PTPRD: variants seen among roughly 807,000 people sequenced by gnomAD.
PTPRD encodes protein tyrosine phosphatase receptor type D, also known as receptor-type tyrosine-protein phosphatase delta.
Under a neutral mutation model 214.5 loss-of-function variants are expected in PTPRD, and 34 were observed. That is an observed-to-expected ratio of 0.16 (90% CI 0.12 to 0.21). PTPRD has a LOEUF of 0.21. Ranked by LOEUF, PTPRD falls within the 10% of genes least tolerant of loss-of-function variation. The pLI is 1.00. For missense variants in PTPRD, 2,545 were observed against 2,398.7 expected, an observed-to-expected ratio of 1.06 and a Z score of -1.27; for synonymous variants, 1,128 against 845.7, an observed-to-expected ratio of 1.33 and a Z score of -5.79.
chr9:8,794,566 A>G (rs1239603414), intron 11 of PTPRD, among the ~76,000 whole-genome samples: 1 of 149,422 alleles, frequency 6.7e-6, no homozygotes, highest in Non-Finnish European at 1.5e-5. Flanking sequence ...CTGGACTCCA[A>G]CTCTTGGGCT....
intron 10 of PTPRD, among the ~76,000 whole-genome samples, chr9:9,128,729 G>T (rs559900935): frequency 6.6e-6 from 1 of 152,154 alleles, no homozygotes; most frequent in Non-Finnish European, 1.5e-5. Flanking sequence ...GATAAAAGTG[G>T]AGTTTAGGTT....
At chr9:10,259,097 A>G (rs938480436) in intron 3 of PTPRD, among the ~76,000 whole-genome samples, 4 of 151,974 alleles carry the variant, frequency 2.6e-5, no homozygotes, top group Non-Finnish European at 5.9e-5. Flanking sequence ...ATCTCAGCTC[A>G]CTGCAAGCTC....
Position 9,658,375 on chromosome 9 carries a change from T to C in PTPRD, c.-287+76158A>G, listed in dbSNP as rs979055602. ...CTTTACCCTAAAAGGACTTCACATTTAGTACTTATAATGTATTAAAATTGA... is the reference window on the plus strand; with the variant it reads ...CTTTACCCTAAAAGGACTTCACATTCAGTACTTATAATGTATTAAAATTGA... On this transcript the variant is annotated intron_variant, in intron 7 of 45. Coordinates refer to ENST00000381196, the MANE Select transcript of PTPRD (RefSeq NM_002839.4). Among the ~76,000 whole-genome samples, 7 of 152,198 alleles carry C rather than the reference T, an allele frequency of 4.6e-5. No individual in the cohort carries two copies. The South Asian group carries it at 1.4e-3, about 32-fold the overall frequency.
At chr9:9,352,461 C>T (rs1203754629) in intron 9 of PTPRD, among the ~76,000 whole-genome samples, 1 of 151,106 alleles carries the variant, frequency 6.6e-6, no homozygotes, top group African/African-American at 2.4e-5. Flanking sequence ...TTTATTTTTT[C>T]TCCTGGAAAT....
At chr9:8,921,059 G>A (rs888100696) in intron 11 of PTPRD, among the ~76,000 whole-genome samples, 6 of 152,018 alleles carry the variant, frequency 3.9e-5, no homozygotes, top group East Asian at 1.9e-4. Flanking sequence ...GGCAATCCGC[G>A]CGCCTCGGCC....
intron 2 of PTPRD, among the ~76,000 whole-genome samples, chr9:10,554,158 C>T (rs1189797102): frequency 5.3e-5 from 8 of 152,114 alleles, no homozygotes; most frequent in Admixed American, 5.2e-4. Context: ...ATAACTCAAC[C>T]CTTTCTGCAT....
chr9:9,407,286 G>C (rs1384290963), intron 8 of PTPRD, among the ~76,000 whole-genome samples: 1 of 151,636 alleles, frequency 6.6e-6, no homozygotes, highest in Non-Finnish European at 1.5e-5. Flanking sequence ...TTTCATTGCT[G>C]TGTAGAATTC....
chr9:9,658,314 C>A (rs1394612273), intron 7 of PTPRD, among the ~76,000 whole-genome samples: 1 of 152,118 alleles, frequency 6.6e-6, no homozygotes, highest in East Asian at 1.9e-4. Context: ...CGCCTTATAT[C>A]CTACCCATTT....
At chr9:9,998,996 G>A (rs538373820) in intron 4 of PTPRD, among the ~76,000 whole-genome samples, 1 of 152,268 alleles carries the variant, frequency 6.6e-6, no homozygotes, top group East Asian at 1.9e-4. Flanking sequence ...ACATCGAAAG[G>A]AAACAGATGA....
At chr9:8,833,289 G>A (rs530432498) in intron 11 of PTPRD, among the ~76,000 whole-genome samples, 1 of 152,112 alleles carries the variant, frequency 6.6e-6, no homozygotes, top group East Asian at 1.9e-4. Context: ...ATTTGAGCAT[G>A]TGACTTTTGA....
intron 3 of PTPRD, among the ~76,000 whole-genome samples, chr9:10,167,742 T>C (rs1392821417): frequency 6.6e-6 from 1 of 152,074 alleles, no homozygotes; most frequent in Non-Finnish European, 1.5e-5. Context: ...CTTCTCCCAA[T>C]ATAGCTGTAA....
chr9:9,961,832 G>A (rs2094387270), intron 4 of PTPRD, among the ~76,000 whole-genome samples: 1 of 152,012 alleles, frequency 6.6e-6, no homozygotes. Context: ...GCAAAACATA[G>A]TTATTGTCAC....
chr9:8,648,221 A>G (rs2154341540), intron 12 of PTPRD, among the ~76,000 whole-genome samples: 1 of 152,344 alleles, frequency 6.6e-6, no homozygotes, highest in Non-Finnish European at 1.5e-5. Context: ...TTTTACAGCA[A>G]CGAAAACTGT....
At chr9:10,433,585 A>T (rs1387236441) in intron 2 of PTPRD, among the ~76,000 whole-genome samples, 1 of 151,996 alleles carries the variant, frequency 6.6e-6, no homozygotes, top group Non-Finnish European at 1.5e-5. Context: ...ATTCTGTGTG[A>T]TGAATGTTAC....
chr9:8,563,083 A>G (rs182411788), intron 14 of PTPRD, among the ~76,000 whole-genome samples: 1 of 152,216 alleles, frequency 6.6e-6, no homozygotes, highest in Non-Finnish European at 1.5e-5. Flanking sequence ...TATGTTGAAC[A>G]ACATGAGTGA....
intron 7 of PTPRD, among the ~76,000 whole-genome samples, chr9:9,710,604 G>GTT (rs141919133): frequency 1.4e-5 from 2 of 147,174 alleles, no homozygotes; most frequent in African/African-American, 5.0e-5. Flanking sequence ...CATCTATTCT[G>GTT]TTTTTTTTTT....
At chr9:9,429,124 TG>T (rs1227953784) in intron 8 of PTPRD, among the ~76,000 whole-genome samples, 1 of 152,068 alleles carries the variant, frequency 6.6e-6, no homozygotes, top group Admixed American at 6.6e-5. Context: ...ACTGGTTTTT[TG>T]AAAAGATCAA....
chr9:8,503,174 A>T (rs556279706), intron 23 of PTPRD, among the ~76,000 whole-genome samples: 1 of 152,190 alleles, frequency 6.6e-6, no homozygotes, highest in East Asian at 1.9e-4. Flanking sequence ...TTATCAAAAA[A>T]CCCTGAAAGT....
intron 4 of PTPRD, among the ~76,000 whole-genome samples, chr9:9,950,282 A>G (rs989596912): frequency 1.3e-5 from 2 of 152,156 alleles, no homozygotes; most frequent in African/African-American, 4.8e-5. Flanking sequence ...TCTTGTTTAG[A>G]CAGCAATTAT....
Sources: gnomAD v4.1 joint callset for allele counts (sites outside exome capture counted in the v4.1 genomes callset) on GRCh38, gnomAD v4.1.1 for gene constraint, MANE v1.5 for transcripts, NCBI Gene and HGNC (gene_info 2026-07-23, HGNC 2026-07-21) for gene names.